The following ITIH1 variants were observed in gnomAD, a reference collection of about 807,000 sequenced individuals.
ITIH1 encodes inter-alpha-trypsin inhibitor heavy chain 1.
A neutral mutation model predicts 104.6 loss-of-function variants in ITIH1; 94 were observed. That is an observed-to-expected ratio of 0.90 (90% CI 0.76 to 1.07). ITIH1 has a LOEUF of 1.07. Ranked by LOEUF, ITIH1 falls within the 50% of genes least tolerant of loss-of-function variation. The probability of loss-of-function intolerance (pLI) is 0.00; values close to 1 mark genes in which losing one functional copy is unlikely to be tolerated. For missense variants in ITIH1, 1,193 were observed against 1,181.4 expected, an observed-to-expected ratio of 1.01 and a Z score of -0.14; for synonymous variants, 455 against 464.4, an observed-to-expected ratio of 0.98 and a Z score of 0.26.
In ITIH1 at chr3:52,789,857, A is replaced by G; in HGVS notation, c.2321+3A>G. ...CAAGCTGTGCTGCGGCAGGACGGGT[A>G]ACCTGCCAGGGCCTGGGCAAGATGC... On this transcript the variant is annotated splice_donor_region_variant and intron_variant, in intron 19 of 21. Transcript: ENST00000273283. The G allele has an allele frequency of 6.2e-7, 1 of 1,613,858 alleles. No homozygotes were observed.
intron 6 of ITIH1, among the ~76,000 whole-genome samples, 200 bp downstream of exon 6, chr3:52,780,582 T>C (rs1459162583): frequency 2.0e-5 from 3 of 152,222 alleles, no homozygotes; most frequent in Non-Finnish European, 4.4e-5. Flanking sequence ...AGCAAAAGCC[T>C]GCATGCTGAG....
At position 52,788,330 on chromosome 3, in the gene ITIH1, C is replaced by T. The variant is rs755029246; in HGVS notation, c.2104C>T (p.Gln702Ter). The part of the protein sequence containing the change: ...EEPGVILSLV[Q>*]DPNTGFSVNG... ...GCCTGGTGTTATCCTGAGCCTGGTA[C>T]AGGACCCCAACACAGGTATGGCGGG... Residue 702 changes from glutamine (Q) to a stop codon, truncating the protein, a stop_gained, in exon 18 of 22, where the codon CAG (glutamine) becomes TAG (stop). Coordinates refer to ENST00000273283, the MANE Select transcript of ITIH1 (RefSeq NM_002215.4). LOFTEE classifies it high-confidence loss of function. 11 of 1,603,198 alleles carry T rather than the reference C, an allele frequency of 6.9e-6. No individual in the cohort carries two copies. The highest frequency in any genetic ancestry group is 3.4e-5 in the Admixed American group (2 of 58,720).
chr3:52,783,884 G>C (rs2154108427), intron 10 of ITIH1, among the ~76,000 whole-genome samples: 1 of 152,130 alleles, frequency 6.6e-6, no homozygotes, highest in South Asian at 2.1e-4. Flanking sequence ...AAAGAGGGGA[G>C]AGTGGCAGGA....
At chr3:52,785,866 C>T (rs1459789391) in intron 12 of ITIH1, among the ~76,000 whole-genome samples, 1 of 152,232 alleles carries the variant, frequency 6.6e-6, no homozygotes, top group Non-Finnish European at 1.5e-5. Flanking sequence ...ATATAATACC[C>T]TTAGGCAGCA....
intron 6 of ITIH1, among the ~76,000 whole-genome samples, chr3:52,781,242 TTCTTCTTC>T (rs2154108262): frequency 9.3e-6 from 1 of 107,568 alleles, no homozygotes; most frequent in Non-Finnish European, 2.1e-5. Context: ...CTTCTTCTTC[TTCTTCTTC>T]TTCTTCTTCT....
rs1468871320 is a variant in ITIH1, at chr3:52,783,102, T to G, written c.1076T>G (p.Val359Gly). The G allele has an allele frequency of 6.2e-7, 1 of 1,614,062 alleles. No homozygotes were observed. ...EANLQAAQDF[V>G]RGFSLDEATN... ...AACCTACAAGCAGCTCAAGACTTTG[T>G]GCGGGGCTTTTCCCTGGATGAGGGT... Residue 359 changes from valine (V) to glycine (G), a missense_variant, in exon 9 of 22, where the codon GTG becomes GGG. Transcript: ENST00000273283.
chr3:52,784,174 A>T, intron 10 of ITIH1, 122 bp from the exon 11 acceptor site: 2 of 841,736 alleles, frequency 2.4e-6, no homozygotes, highest in Non-Finnish European at 3.7e-6. Context: ...CAGGATGCCC[A>T]GGAGCCTGGA....
intron 16 of ITIH1, 151 bp from the exon 17 acceptor site, chr3:52,787,835 A>G: frequency 5.4e-6 from 5 of 926,684 alleles, no homozygotes; most frequent in Non-Finnish European, 8.9e-6. Flanking sequence ...GTGTCCCGGG[A>G]GCCAATCAAG....
intron 3 of ITIH1, 184 bp from the exon 4 acceptor site, chr3:52,778,758 G>A (rs1030783717): frequency 1.6e-6 from 2 of 1,250,692 alleles, no homozygotes; most frequent in Non-Finnish European, 2.2e-6. Flanking sequence ...AGAGTCTGAG[G>A]CTTCTTGCTG....
At chr3:52,785,321 G>A in intron 12 of ITIH1, 92 bp downstream of exon 12, 1 of 1,282,648 alleles carries the variant, frequency 7.8e-7, no homozygotes, top group South Asian at 1.3e-5. Context: ...TCCCCCAGAG[G>A]CCTCTCTTTC....
At chr3:52,790,999 C>T in intron 20 of ITIH1, 78 bp downstream of exon 20, 1 of 1,449,186 alleles carries the variant, frequency 6.9e-7, no homozygotes, top group Non-Finnish European at 9.3e-7. Flanking sequence ...GGCCACCGGT[C>T]AGTTCTATAG....
Position 52,791,543 on chromosome 3 carries a change from G to A in ITIH1, c.2521G>A (p.Glu841Lys). ...GCAATTTTTCCACCCCATCGGTTTT[G>A]AAGTGTCTGACATCCACCCAGGCTC... The part of the protein sequence containing the change: ...LGQFFHPIGF[E>K]VSDIHPGSDP... Residue 841 changes from glutamate to lysine, a missense_variant, in exon 21 of 22, where the codon GAA (glutamate) becomes AAA (lysine). Transcript: ENST00000273283. 1.2e-6 allele frequency: 2 copies of A among 1,614,082 alleles called. No homozygotes were observed. Among genetic ancestry groups the A allele is most frequent in the South Asian group, 2.2e-5 (2 of 91,084 alleles).
rs748983678 is a variant in ITIH1 at position 52,791,884 on chromosome 3, T to C, written c.2709T>C (p.Thr903=). ...CTGGACTCATCGATGGTGCCTACACTGATTATATCGTCCCCGACATCTTCT... is the reference window on the plus strand; with the variant it reads ...CTGGACTCATCGATGGTGCCTACACCGATTATATCGTCCCCGACATCTTCT... The part of the protein sequence containing the change: ...NGAGLIDGAY[T]DYIVPDIF The change falls in exon 22 of 22, where the codon ACT becomes ACC. Residue 903 remains threonine, a synonymous_variant. Coordinates refer to ENST00000273283, the MANE Select transcript of ITIH1 (RefSeq NM_002215.4). 1 of 1,613,264 alleles carries C rather than the reference T, an allele frequency of 6.2e-7. No homozygotes were observed. Among genetic ancestry groups the C allele is most frequent in the Non-Finnish European group, 8.5e-7 (1 of 1,179,448 alleles).
rs1038783918 is a variant in ITIH1 at position 52,791,992 on chromosome 3, T to C, written c.*81T>C. On this transcript the variant is annotated 3_prime_UTR_variant, in exon 22 of 22. Transcript: ENST00000273283. Reference sequence around the variant, plus strand: ...ACATCCTGACCTGCTGCTGAGGCTGTACCTCCTTGACTAAGCTGGTTCCTT... The same window carrying C: ...ACATCCTGACCTGCTGCTGAGGCTGCACCTCCTTGACTAAGCTGGTTCCTT... The C allele has an allele frequency of 1.4e-5, 20 of 1,466,776 alleles. No homozygotes were observed. The Admixed American group carries it at 3.9e-4, about 28-fold the overall frequency. 90.9% of individuals were successfully genotyped at this position (1,466,776 alleles called of 1,614,324 possible).
At position 52,784,521 on chromosome 3, in the gene ITIH1, G is replaced by A; in HGVS notation, c.1407+44G>A. On this transcript the variant is annotated intron_variant, in intron 11 of 21. Transcript: ENST00000273283. Reference sequence around the variant, plus strand: ...CTGTACCTCCAATGGCATGCCATAGGGAGCCCTGCCTTGGTGGCCGTTTGC... The same window carrying A: ...CTGTACCTCCAATGGCATGCCATAGAGAGCCCTGCCTTGGTGGCCGTTTGC... The A allele has an allele frequency of 3.1e-6, 5 of 1,587,904 alleles. No individual in the cohort carries two copies. The African/African-American group carries it at 4.0e-5, about 13-fold the overall frequency.
intron 6 of ITIH1, among the ~76,000 whole-genome samples, chr3:52,780,652 G>T (rs1025098105): frequency 6.6e-6 from 1 of 152,246 alleles, no homozygotes; most frequent in African/African-American, 2.4e-5. Context: ...AGGGTGAGTT[G>T]CTGGCTTGCT....
Position 52,789,812 on chromosome 3 carries a change from C to T in ITIH1, c.2279C>T (p.Pro760Leu). 6.2e-7 allele frequency: 1 copy of T among 1,614,242 alleles called. No homozygotes were observed. Among genetic ancestry groups the T allele is most frequent in the Non-Finnish European group, 8.5e-7 (1 of 1,180,046 alleles). Residue 760 changes from proline (P) to leucine (L), a missense_variant, in exon 19 of 22, where the codon CCT becomes CTT. Coordinates refer to ENST00000273283, the MANE Select transcript of ITIH1 (RefSeq NM_002215.4). ...ACGCTGAACCCCGGCTTTGGTGGGC[C>T]TGTGTTTTCCTGGAGGGACCAAGCT... ...NITLNPGFGGPVFSWRDQAVL... is the reference protein window; with the variant it reads ...NITLNPGFGGLVFSWRDQAVL...
chr3:52,780,808 G>C (rs1459684601), intron 6 of ITIH1, among the ~76,000 whole-genome samples: 1 of 152,218 alleles, frequency 6.6e-6, no homozygotes, highest in African/African-American at 2.4e-5. Flanking sequence ...AAAGACCTTT[G>C]GCCTACCCAA....
chr3:52,787,043 T>G lies in ITIH1; in HGVS notation c.1832T>G (p.Ile611Ser), dbSNP rs759556517. Residue 611 changes from isoleucine (I) to serine (S), a missense_variant, in exon 14 of 22, where the codon ATC (isoleucine) becomes AGC (serine). By Grantham distance (142) the Ile-to-Ser change is moderately radical (BLOSUM62 -2). Transcript: ENST00000273283. ...GTGACCCCACTGACCTCCATGAGCA[T>G]CAGGGGCATGGCGGACCAGGACGGC... ...GFVTPLTSMS[I>S]RGMADQDGLK... 5.0e-6 allele frequency: 8 copies of G among 1,614,098 alleles called. No individual in the cohort carries two copies. The highest frequency in any genetic ancestry group is 5.9e-6 in the Non-Finnish European group (7 of 1,180,006).
Sources: allele counts gnomAD v4.1 joint callset (sites outside exome capture counted in the v4.1 genomes callset), GRCh38; gene constraint gnomAD v4.1.1; transcripts MANE v1.5; gene names NCBI Gene and HGNC (gene_info 2026-07-23, HGNC 2026-07-21).